The following AKT2 variants were observed in gnomAD, a reference collection of about 807,000 sequenced individuals.
AKT2 encodes the protein RAC-beta serine/threonine-protein kinase.
AKT2 carries 16 observed loss-of-function variants against 58.6 expected under a neutral mutation model. The observed-to-expected ratio is 0.27, with a 90% confidence interval of 0.18 to 0.41. The LOEUF (loss-of-function observed/expected upper bound fraction) is 0.41. Ranked by LOEUF, AKT2 falls within the 10% of genes least tolerant of loss-of-function variation. AKT2 has a pLI of 1.00. For synonymous variants in AKT2, 253 were observed against 254.0 expected, an observed-to-expected ratio of 1.00 and a Z score of 0.04; for missense variants, 438 against 661.0, an observed-to-expected ratio of 0.66 and a Z score of 3.70.
At chr19:40,280,630 C>T (rs1174300580) in intron 1 of AKT2, among the ~76,000 whole-genome samples, 1 of 152,164 alleles carries the variant, frequency 6.6e-6, no homozygotes, top group Non-Finnish European at 1.5e-5. Context: ...CTCATCTCCT[C>T]CCTGCTCCCT....
At chr19:40,265,442 G>A in intron 1 of AKT2, 91 bp from the exon 2 acceptor site, 2 of 1,488,258 alleles carry the variant, frequency 1.3e-6, no homozygotes, top group Non-Finnish European at 1.8e-6. Flanking sequence ...CCCTCTGGCT[G>A]TTCTGCCCAC....
At chr19:40,236,594 G>A (rs1974045584) in intron 9 of AKT2, 1 of 644,568 alleles carries the variant, frequency 1.6e-6, no homozygotes, top group African/African-American at 1.8e-5. Flanking sequence ...ATGGTACCTG[G>A]GAACAGCTGG....
At chr19:40,244,095 A>AATAAT (rs1446183010) in intron 4 of AKT2, 2 of 129,964 alleles carry the variant, frequency 1.5e-5, no homozygotes, top group African/African-American at 5.9e-5. Context: ...ATAATAATAA[A>AATAAT]ATAAAGAACA....
At chr19:40,255,492 A>G (rs1028166806) in intron 3 of AKT2, among the ~76,000 whole-genome samples, 2 of 152,086 alleles carry the variant, frequency 1.3e-5, no homozygotes, top group Non-Finnish European at 2.9e-5. Context: ...GGCTCCATAG[A>G]CAGGGCCGCG....
intron 1 of AKT2, among the ~76,000 whole-genome samples, chr19:40,275,727 G>C (rs893325491): frequency 2.9e-5 from 4 of 135,906 alleles, no homozygotes; most frequent in Admixed American, 1.7e-4. Context: ...GTCCGGGCAC[G>C]ATGACTCACG....
In AKT2 at chr19:40,238,683, C is replaced by T. The variant is rs567330546; in HGVS notation, c.708+222G>A. Among the ~76,000 whole-genome samples, 62 of 152,134 alleles carry T rather than the reference C, an allele frequency of 4.1e-4. No homozygotes were observed. The highest frequency in any genetic ancestry group is 6.2e-4 in the Non-Finnish European group (42 of 68,024). Reference sequence around the variant, plus strand: ...TGGACTGGTTTGGACCTGACCCACCCACTCACTAGCTGTGTAAACTTGGGC... The same window carrying T: ...TGGACTGGTTTGGACCTGACCCACCTACTCACTAGCTGTGTAAACTTGGGC... On this transcript the variant is annotated intron_variant, in intron 8 of 13. Transcript: ENST00000392038. This position sits in a 1 kb window ranked among gnomAD's most constrained non-coding sequence, Gnocchi z 5.1.
chr19:40,238,444 G>A lies in AKT2; in HGVS notation c.709-353C>T, dbSNP rs1974167458. 6.6e-6 allele frequency among the ~76,000 whole-genome samples: 1 copy of A among 152,210 alleles called. No homozygotes were observed. Among genetic ancestry groups the A allele is most frequent in the South Asian group, 2.1e-4 (1 of 4,824 alleles). Reference sequence around the variant, plus strand: ...GAGCAAACCACGCATCCCAAAGCAGGTGTGCCAACCACTGCACAGAGAAGG... The same window carrying A: ...GAGCAAACCACGCATCCCAAAGCAGATGTGCCAACCACTGCACAGAGAAGG... On this transcript the variant is annotated intron_variant, in intron 8 of 13. Transcript: ENST00000392038. The surrounding 1 kb of genome is among the most constrained non-coding windows in gnomAD (Gnocchi z 5.1).
At chr19:40,275,174 C>T (rs1229076316) in intron 1 of AKT2, 1 of 456,816 alleles carries the variant, frequency 2.2e-6, no homozygotes, top group African/African-American at 2.0e-5. Flanking sequence ...GCTGCCTCCA[C>T]CTCCTTCTGC....
In AKT2 at chr19:40,265,277, G is replaced by A. The variant is rs771173611; in HGVS notation, c.-10C>T. On this transcript the variant is annotated 5_prime_UTR_variant, in exon 2 of 14. It adds an upstream start codon to the 5' untranslated region. Transcript: ENST00000392038. ...CAGACACCTCATTCATGGTGGCAGC[G>A]TGGTACGCTGTCACCTAGCTCGGGA... The A allele has an allele frequency of 3.4e-5, 55 of 1,612,446 alleles. No individual in the cohort carries two copies. Among genetic ancestry groups the A allele is most frequent in the African/African-American group, 8.0e-5 (6 of 75,056 alleles).
Position 40,231,260 on chromosome 19 carries a change from G to A in AKT2, c.*2612C>T, listed in dbSNP as rs1186675755. ...AGGCACTAAAAAGATGAGGTAGCCA[G>A]GCCTGTGCCCACACTACGAGACCTG... On this transcript the variant is annotated 3_prime_UTR_variant, in exon 14 of 14. Transcript: ENST00000392038. 4.3e-6 allele frequency: 1 copy of A among 232,348 alleles called. No individual in the cohort carries two copies. Among genetic ancestry groups the A allele is most frequent in the African/African-American group, 2.2e-5 (1 of 45,266 alleles). The allele number at this position is 232,348 out of a possible 1,614,324, so 14.4% of individuals were successfully genotyped here.
intron 2 of AKT2, 142 bp downstream of exon 2, chr19:40,265,080 G>T: frequency 8.1e-7 from 1 of 1,241,258 alleles, no homozygotes; most frequent in Non-Finnish European, 1.1e-6. Flanking sequence ...CGAAATGGGG[G>T]CATAAGCAGC....
chr19:40,242,141 GA>G lies in AKT2; in HGVS notation c.442-73del. The G allele has an allele frequency of 1.9e-6, 3 of 1,602,632 alleles. No individual in the cohort carries two copies. Among genetic ancestry groups the G allele is most frequent in the Middle Eastern group, 3.6e-4 (2 of 5,522 alleles). On this transcript the variant is annotated intron_variant, in intron 5 of 13. Transcript: ENST00000392038. This position sits in a 1 kb window ranked among gnomAD's most constrained non-coding sequence, Gnocchi z 4.3. ...CCCGTGGGAGGAAATTTTAACAAAA[GA>G]AAGAGGAAAACCAAAAGACACTGTT... is the stretch of plus-strand genomic sequence containing the variant.
intron 1 of AKT2, chr19:40,275,140 G>A (rs201824319): frequency 2.4e-5 from 11 of 456,682 alleles, no homozygotes; most frequent in African/African-American, 8.0e-5. Flanking sequence ...CAAGGAGCCC[G>A]GACCCCTCTC....
intron 1 of AKT2, chr19:40,273,342 A>AG (rs1045911420): frequency 6.8e-6 from 1 of 146,146 alleles, no homozygotes; most frequent in Non-Finnish European, 1.5e-5. Context: ...CTCCATCTCA[A>AG]AAAAAAAAAA....
At chr19:40,246,696 C>T (rs1974773889) in intron 4 of AKT2, among the ~76,000 whole-genome samples, 1 of 152,226 alleles carries the variant, frequency 6.6e-6, no homozygotes, top group African/African-American at 2.4e-5. Context: ...GATGGTCCCT[C>T]TGTGGAGAGA....
intron 1 of AKT2, among the ~76,000 whole-genome samples, chr19:40,281,999 C>T (rs1292735169): frequency 6.6e-6 from 1 of 152,200 alleles, no homozygotes; most frequent in African/African-American, 2.4e-5. Flanking sequence ...GGTCACACAG[C>T]CATGGAGTGG....
chr19:40,274,367 TG>T (rs2145409906), intron 1 of AKT2: 2 of 153,482 alleles, frequency 1.3e-5, no homozygotes, highest in South Asian at 4.1e-4. Flanking sequence ...CAAAAAATCC[TG>T]CATTCATTCA....
intron 1 of AKT2, among the ~76,000 whole-genome samples, chr19:40,271,191 AC>A (rs767547265): frequency 2.6e-4 from 38 of 146,104 alleles, no homozygotes; most frequent in South Asian, 2.1e-4. Context: ...AAAAAAAAAA[AC>A]ATACGTACAT....
chr19:40,239,716 A>T, intron 7 of AKT2: 2 of 482,330 alleles, frequency 4.1e-6, no homozygotes, highest in South Asian at 1.9e-5. Context: ...AACAAAAACA[A>T]AAAAAATAAT....
Sources: allele counts gnomAD v4.1 joint callset (sites outside exome capture counted in the v4.1 genomes callset), GRCh38; gene constraint gnomAD v4.1.1; non-coding constraint Gnocchi (gnomAD v3.1); transcripts MANE v1.5; gene names NCBI Gene and HGNC (gene_info 2026-07-23, HGNC 2026-07-21).